Variants in LRRC8D observed in about 807,000 individuals in gnomAD.
LRRC8D encodes the protein volume-regulated anion channel subunit LRRC8D.
A neutral mutation model predicts 55.8 loss-of-function variants in LRRC8D; 20 were observed. That is an observed-to-expected ratio of 0.36 (90% CI 0.25 to 0.52). The LOEUF is 0.52. Ranked by LOEUF, LRRC8D falls within the 20% of genes least tolerant of loss-of-function variation. The probability of loss-of-function intolerance (pLI) is 0.93; values close to 1 mark genes in which losing one functional copy is unlikely to be tolerated. For missense variants in LRRC8D, 651 were observed against 1,030.8 expected (o/e 0.63, Z 5.05); for synonymous variants, 352 against 377.0 (o/e 0.93, Z 0.77).
intron 2 of LRRC8D, among the ~76,000 whole-genome samples, chr1:89,852,991 A>G (rs1167138099): frequency 6.6e-6 from 1 of 152,212 alleles, no homozygotes; most frequent in African/African-American, 2.4e-5. Context: ...CATTAAAGGT[A>G]AAATAAGTGT....
At chr1:89,858,006 A>C (rs1311686819) in intron 2 of LRRC8D, among the ~76,000 whole-genome samples, 2 of 152,296 alleles carry the variant, frequency 1.3e-5, no homozygotes, top group Admixed American at 1.3e-4. Flanking sequence ...AGGTGGGTGG[A>C]TCACCTGAGG....
At chr1:89,861,897 T>G (rs1007665436) in intron 2 of LRRC8D, among the ~76,000 whole-genome samples, 4 of 152,194 alleles carry the variant, frequency 2.6e-5, no homozygotes, top group African/African-American at 9.6e-5. Context: ...AAGAAGAATA[T>G]CAGATCCTGA....
At chr1:89,841,611 A>C (rs1176843113) in intron 1 of LRRC8D, among the ~76,000 whole-genome samples, 1 of 152,212 alleles carries the variant, frequency 6.6e-6, no homozygotes, top group African/African-American at 2.4e-5. Context: ...TAGAGAAAAA[A>C]TAATGCAGGA....
At chr1:89,925,678 CAG>C (rs1377281945) in intron 2 of LRRC8D, among the ~76,000 whole-genome samples, 1 of 152,332 alleles carries the variant, frequency 6.6e-6, no homozygotes, top group African/African-American at 2.4e-5. Flanking sequence ...CATACACACT[CAG>C]TATATATGAA....
intron 2 of LRRC8D, among the ~76,000 whole-genome samples, chr1:89,892,878 T>C (rs1160975867): frequency 6.6e-6 from 1 of 152,246 alleles, no homozygotes; most frequent in African/African-American, 2.4e-5. Flanking sequence ...GTTAAAACTT[T>C]CTTGAAATCA....
Position 89,933,429 on chromosome 1 carries a change from G to T in LRRC8D, c.361G>T (p.Ala121Ser). 1 of 1,614,000 alleles carries T rather than the reference G, an allele frequency of 6.2e-7. No individual in the cohort carries two copies. Among genetic ancestry groups the T allele is most frequent in the South Asian group, 1.1e-5 (1 of 91,074 alleles). The change falls in exon 3 of 3, where the codon GCA becomes TCA. Residue 121 changes from alanine (A) to serine (S), a missense_variant. This residue lies in a region of LRRC8D where 118 missense variants were observed against 138.0 expected (regional missense o/e 0.85). Coordinates refer to ENST00000337338, the MANE Select transcript of LRRC8D (RefSeq NM_001134479.2). The surrounding 1 kb of genome is among the most constrained non-coding windows in gnomAD (Gnocchi z 7.0). Reference protein sequence around the residue: ...LRATYPRTDFALPNQEAKKEK... With the variant: ...LRATYPRTDFSLPNQEAKKEK... ...AGCCACATATCCTCGCACAGATTTC[G>T]CACTTCCAAATCAGGAGGCAAAGAA...
Position 89,934,480 on chromosome 1 carries a change from A to G in LRRC8D, c.1412A>G (p.Lys471Arg). 6.2e-7 allele frequency: 1 copy of G among 1,614,200 alleles called. No individual in the cohort carries two copies. The highest frequency in any genetic ancestry group is 1.1e-5 in the South Asian group (1 of 91,084). ...RQHISRNAQD[K>R]QELHLFMLSG... The stretch of plus-strand genomic sequence containing the variant: ...CACATTTCACGCAACGCCCAGGACA[A>G]GCAGGAGTTGCATCTGTTCATGCTG... The change falls in exon 3 of 3, where the codon AAG (lysine) becomes AGG (arginine). Residue 471 changes from lysine (K) to arginine (R), a missense_variant. Coordinates refer to ENST00000337338, the MANE Select transcript of LRRC8D (RefSeq NM_001134479.2). This position sits in a 1 kb window ranked among gnomAD's most constrained non-coding sequence, Gnocchi z 5.9.
At chr1:89,838,915 C>T (rs553185231) in intron 1 of LRRC8D, among the ~76,000 whole-genome samples, 1 of 152,280 alleles carries the variant, frequency 6.6e-6, no homozygotes, top group South Asian at 2.1e-4. Context: ...TTACAAAATA[C>T]ATGTTTATCC....
intron 2 of LRRC8D, among the ~76,000 whole-genome samples, chr1:89,904,924 C>A (rs886661139): frequency 6.6e-6 from 1 of 151,908 alleles, no homozygotes; most frequent in African/African-American, 2.4e-5. Context: ...CATCCAGTAT[C>A]CTTGCTGTTA....
intron 2 of LRRC8D, among the ~76,000 whole-genome samples, chr1:89,871,842 TATG>T (rs1159104389): frequency 6.6e-6 from 1 of 152,230 alleles, no homozygotes; most frequent in Admixed American, 6.5e-5. Flanking sequence ...TTGAAAATCT[TATG>T]AGGCCTTTTT....
chr1:89,821,980 A>C (rs1336232938), intron 1 of LRRC8D: 1 of 152,182 alleles, frequency 6.6e-6, no homozygotes, highest in Non-Finnish European at 1.5e-5. Flanking sequence ...TTCTGCTCAA[A>C]TCCTGTCCAG....
At chr1:89,846,245 A>G (rs1661276663) in intron 2 of LRRC8D, among the ~76,000 whole-genome samples, 1 of 151,990 alleles carries the variant, frequency 6.6e-6, no homozygotes, top group Admixed American at 6.6e-5. Flanking sequence ...TTCTAGTGAT[A>G]TTTAAACTCA....
chr1:89,845,813 C>G (rs1224439617), intron 2 of LRRC8D, among the ~76,000 whole-genome samples: 1 of 151,064 alleles, frequency 6.6e-6, no homozygotes, highest in African/African-American at 2.4e-5. Flanking sequence ...AGGAGTTTTG[C>G]TCTTGTTGCC....
chr1:89,882,790 A>G (rs1332937987), intron 2 of LRRC8D, among the ~76,000 whole-genome samples: 1 of 152,212 alleles, frequency 6.6e-6, no homozygotes, highest in East Asian at 1.9e-4. Context: ...AAAGTGTGAC[A>G]TTTGAGCCAG....
chr1:89,913,625 C>T (rs1570884954), intron 2 of LRRC8D, among the ~76,000 whole-genome samples: 2 of 152,200 alleles, frequency 1.3e-5, no homozygotes, highest in Admixed American at 6.5e-5. Flanking sequence ...ATGCTTGCAA[C>T]ATGGAATTCT....
In LRRC8D at chr1:89,899,061, A is replaced by G. The variant is rs369711939; in HGVS notation, c.-2-34006A>G. Among the ~76,000 whole-genome samples, 3 of 152,202 alleles carry G rather than the reference A, an allele frequency of 2.0e-5. No individual in the cohort carries two copies. The East Asian group carries it at 5.8e-4, about 29-fold the overall frequency. ...ACGAGATGAGCTCTTCAGCTTCGGA[A>G]ACACCCAGGCCTTTCATTCTGGCTG... On this transcript the variant is annotated intron_variant, in intron 2 of 2. Transcript: ENST00000337338.
At position 89,930,521 on chromosome 1, in the gene LRRC8D, A is replaced by G. The variant is rs192407475; in HGVS notation, c.-2-2546A>G. Among the ~76,000 whole-genome samples, 29 of 152,222 alleles carry G rather than the reference A, an allele frequency of 1.9e-4. No homozygotes were observed. The East Asian group carries it at 5.4e-3, about 28-fold the overall frequency. On this transcript the variant is annotated intron_variant, in intron 2 of 2. Coordinates refer to ENST00000337338, the MANE Select transcript of LRRC8D (RefSeq NM_001134479.2). ...GGGACCACCATCATATATGCAGTCC[A>G]TTGTTGACCAAAACACCATTATGCA... is the stretch of plus-strand genomic sequence containing the variant.
At chr1:89,854,141 T>C (rs986185924) in intron 2 of LRRC8D, among the ~76,000 whole-genome samples, 1 of 152,216 alleles carries the variant, frequency 6.6e-6, no homozygotes, top group Non-Finnish European at 1.5e-5. Context: ...TATGTGTGGC[T>C]GTAGGTGAAT....
chr1:89,857,384 A>G (rs1042526604), intron 2 of LRRC8D, among the ~76,000 whole-genome samples: 11 of 95,810 alleles, frequency 1.1e-4, no homozygotes, highest in Non-Finnish European at 1.7e-4. Flanking sequence ...CTCCATCTCA[A>G]AAAAAAAAAA....
Sources: gnomAD v4.1 joint callset for allele counts (sites outside exome capture counted in the v4.1 genomes callset) on GRCh38, gnomAD v4.1.1 for gene constraint, gnomAD v4.1.1 regional missense constraint, Gnocchi (gnomAD v3.1) non-coding constraint, MANE v1.5 for transcripts, NCBI Gene and HGNC (gene_info 2026-07-23, HGNC 2026-07-21) for gene names.